The following STS variants were observed in gnomAD, a reference collection of about 807,000 sequenced individuals.
The protein encoded by STS is steryl-sulfatase.
STS carries 7 observed loss-of-function variants against 26.8 expected under a neutral mutation model. That is an observed-to-expected ratio of 0.26 (90% CI 0.15 to 0.49). The LOEUF (loss-of-function observed/expected upper bound fraction) is 0.49, where lower values mean the gene tolerates loss of function less well. Among genes scored for constraint, STS ranks in the 20% least tolerant of loss-of-function variants. The pLI is 0.98. For synonymous variants in STS, 199 were observed against 189.4 expected (o/e 1.05, Z -0.42); for missense variants, 434 against 465.6 (o/e 0.93, Z 0.63).
intron 1 of STS, among the ~76,000 whole-genome samples, chrX:7,167,040 A>G (rs986386642): frequency 3.4e-4 from 38 of 111,254 alleles, no homozygotes; most frequent in African/African-American, 1.2e-3. Flanking sequence ...ACAAATACCC[A>G]TTGAGGATCT....
intron 1 of STS, among the ~76,000 whole-genome samples, chrX:7,163,691 A>G (rs1933293695): frequency 8.9e-6 from 1 of 112,767 alleles, no homozygotes; most frequent in African/African-American, 3.2e-5. Context: ...AATAGAAAAG[A>G]AAAACATTGA....
intron 2 of STS, among the ~76,000 whole-genome samples, chrX:7,240,323 A>G (rs772741693): frequency 1.1e-3 from 117 of 108,486 alleles, no homozygotes; most frequent in Admixed American, 4.0e-3. Context: ...TTTGTGATTC[A>G]GAGATTAATA....
At chrX:7,197,319 A>C (rs1215706098) in intron 2 of STS, among the ~76,000 whole-genome samples, 4 of 112,059 alleles carry the variant, frequency 3.6e-5, no homozygotes, top group African/African-American at 1.3e-4. Context: ...CATGCAGTGC[A>C]TCCTACTGTT....
intron 1 of STS, among the ~76,000 whole-genome samples, chrX:7,159,729 T>C (rs1251031493): frequency 8.9e-6 from 1 of 112,242 alleles, no homozygotes; most frequent in Non-Finnish European, 1.9e-5. Flanking sequence ...AGTGATGAGT[T>C]GGTGAAGGAA....
intron 1 of STS, 173 bp downstream of exon 1, chrX:7,148,256 G>A: frequency 3.1e-6 from 1 of 321,030 alleles, no homozygotes. Context: ...CCGGCTCCGA[G>A]CCCGCGCGTC....
chrX:7,150,969 A>T (rs1156620143), intron 1 of STS, among the ~76,000 whole-genome samples: 1 of 112,523 alleles, frequency 8.9e-6, no homozygotes, highest in Non-Finnish European at 1.9e-5. Flanking sequence ...CCCATGGGAC[A>T]ATAACTTACT....
chrX:7,238,127 TG>T (rs1922410509), intron 2 of STS, among the ~76,000 whole-genome samples: 3 of 46,863 alleles, frequency 6.4e-5, no homozygotes, highest in Non-Finnish European at 1.5e-4. Flanking sequence ...CCATGGTGTG[TG>T]TGTGTGTGTG....
intron 2 of STS, among the ~76,000 whole-genome samples, chrX:7,204,498 TC>T (rs1934149980): frequency 1.0e-5 from 1 of 99,950 alleles, no homozygotes. Context: ...CCTTCCTTCC[TC>T]CCTCCCTCCT....
chrX:7,337,951 A>G (rs749450219), intron 10 of STS, among the ~76,000 whole-genome samples: 1 of 111,944 alleles, frequency 8.9e-6, no homozygotes, highest in Non-Finnish European at 1.9e-5. Flanking sequence ...TTTCATTTCC[A>G]CCCTTTTAAA....
chrX:7,324,257 C>T (rs1436942194), intron 8 of STS, among the ~76,000 whole-genome samples: 2 of 110,722 alleles, frequency 1.8e-5, no homozygotes, highest in East Asian at 5.7e-4. Flanking sequence ...TAAAGACCTG[C>T]AGTCAATAGA....
At position 7,265,811 on chromosome X, in the gene STS, C is replaced by T. The variant is rs1300552329; in HGVS notation, c.806+6039C>T. ...TTTAAAGCACATTGTTACAATCATC[C>T]TTGGGTAGAGCTGTCTATCTGTGTT... On this transcript the variant is annotated intron_variant, in intron 6 of 10. Transcript: ENST00000674429. Among the ~76,000 whole-genome samples, 3 of 112,030 alleles carry T rather than the reference C, an allele frequency of 2.7e-5. No homozygotes were observed. In the East Asian group the frequency reaches 8.4e-4, roughly 32 times the overall value.
At chrX:7,237,845 A>G (rs1433904287) in intron 2 of STS, among the ~76,000 whole-genome samples, 1 of 111,207 alleles carries the variant, frequency 9.0e-6, no homozygotes. Flanking sequence ...CCACACTCCC[A>G]TCTTCAATAG....
At chrX:7,201,155 G>A (rs1447206139) in intron 2 of STS, among the ~76,000 whole-genome samples, 1 of 111,218 alleles carries the variant, frequency 9.0e-6, no homozygotes, top group African/African-American at 3.3e-5. Flanking sequence ...AGACAGATAT[G>A]TAGATAGATG....
chrX:7,266,606 T>C (rs1404670061), intron 6 of STS, among the ~76,000 whole-genome samples: 1 of 112,275 alleles, frequency 8.9e-6, no homozygotes, highest in East Asian at 2.8e-4. Context: ...TGTTATACAC[T>C]GTATAGTAAT....
At chrX:7,252,286 G>A (rs931932642) in intron 2 of STS, 1 of 751,293 alleles carries the variant, frequency 1.3e-6, no homozygotes, top group African/African-American at 2.3e-5. Context: ...ACCAGTTGCT[G>A]GGAGAGGTGT....
At chrX:7,243,380 T>C (rs1197272430) in intron 2 of STS, among the ~76,000 whole-genome samples, 3 of 111,975 alleles carry the variant, frequency 2.7e-5, no homozygotes, top group African/African-American at 9.7e-5. Context: ...GGAAACCTTT[T>C]ATCGCTAGTA....
intron 2 of STS, among the ~76,000 whole-genome samples, chrX:7,206,653 A>G (rs1253457410): frequency 8.9e-6 from 1 of 111,872 alleles, no homozygotes; most frequent in South Asian, 3.7e-4. Flanking sequence ...TTCCAAACCA[A>G]CATAGAGCTG....
Position 7,257,230 on chromosome X carries a change from CT to C in STS, c.138-8del, listed in dbSNP as rs1923456150. On this transcript the variant is annotated splice_polypyrimidine_tract_variant and intron_variant, in intron 3 of 10. Transcript: ENST00000674429. ...GAAAATGATCACAAATGCTATGATT[CT>C]TTTGTTCTAGGACTCCCAATATCGA... The C allele has an allele frequency of 3.3e-6, 4 of 1,210,095 alleles. No individual in the cohort carries two copies. Among genetic ancestry groups the C allele is most frequent in the Non-Finnish European group, 4.5e-6 (4 of 894,813 alleles).
intron 7 of STS, among the ~76,000 whole-genome samples, chrX:7,285,072 T>C (rs765487746): frequency 9.1e-6 from 1 of 110,400 alleles, no homozygotes; most frequent in South Asian, 3.9e-4. Flanking sequence ...GTGGTGAAGA[T>C]GGTGATAATG....
Sources: allele counts gnomAD v4.1 joint callset (sites outside exome capture counted in the v4.1 genomes callset), GRCh38; gene constraint gnomAD v4.1.1; transcripts MANE v1.5; gene names NCBI Gene and HGNC (gene_info 2026-07-23, HGNC 2026-07-21).